Variants in HLCS observed in about 807,000 individuals in gnomAD.
HLCS encodes the protein holocarboxylase synthetase.
HLCS carries 53 observed loss-of-function variants against 75.0 expected under a neutral mutation model. The observed-to-expected ratio is 0.71, with a 90% confidence interval of 0.57 to 0.89. The LOEUF is 0.89. Among genes scored for constraint, HLCS ranks in the 40% least tolerant of loss-of-function variants. The probability of loss-of-function intolerance (pLI) is 0.00; values close to 1 mark genes in which losing one functional copy is unlikely to be tolerated. For missense variants in HLCS, 966 were observed against 1,074.0 expected (o/e 0.90, Z 1.41); for synonymous variants, 431 against 428.6 (o/e 1.01, Z -0.07).
intron 6 of HLCS, among the ~76,000 whole-genome samples, chr21:36,824,632 G>A (rs2061951386): frequency 1.3e-5 from 2 of 152,146 alleles, no homozygotes; most frequent in Admixed American, 1.3e-4. Flanking sequence ...GCCATCTCTG[G>A]CATCTCAGGC....
In HLCS at chr21:36,798,081, T is replaced by C. The variant is rs114410380; in HGVS notation, c.1893-30796A>G. ...GAAGGAAGTGAGAGACTCGGGAAGC[T>C]ACCTTGGCAAGGAACGATCCGGGCA... On this transcript the variant is annotated intron_variant, in intron 6 of 10. Coordinates refer to ENST00000674895, the MANE Select transcript of HLCS (RefSeq NM_001352514.2). Among the ~76,000 whole-genome samples, 1,040 of 152,258 alleles carry C rather than the reference T, an allele frequency of 6.8e-3. 8 individuals carry two copies. The highest frequency in any genetic ancestry group is 0.024 in the African/African-American group (983 of 41,534).
upstream of HLCS, among the ~76,000 whole-genome samples, chr21:36,970,163 C>T (rs545678220): frequency 1.3e-5 from 2 of 152,344 alleles, no homozygotes; most frequent in South Asian, 4.1e-4. Context: ...GACATTAACT[C>T]AGTACCTGTT....
chr21:36,923,416 C>T (rs575624065), intron 5 of HLCS, among the ~76,000 whole-genome samples: 60 of 152,306 alleles, frequency 3.9e-4, no homozygotes, highest in South Asian at 1.7e-3. Context: ...GAAAACCACG[C>T]TTCTTAGACG....
intron 6 of HLCS, among the ~76,000 whole-genome samples, chr21:36,850,005 A>T (rs992878527): frequency 6.6e-6 from 1 of 152,022 alleles, no homozygotes; most frequent in Admixed American, 6.6e-5. Context: ...GTTCCTTTCA[A>T]CTTTCTTCTT....
intron 5 of HLCS, among the ~76,000 whole-genome samples, chr21:36,903,454 A>C (rs1395972261): frequency 6.6e-6 from 1 of 152,164 alleles, no homozygotes; most frequent in African/African-American, 2.4e-5. Context: ...CACAGGCTAG[A>C]GATACATATA....
chr21:36,858,076 C>T (rs1328107335), intron 6 of HLCS, among the ~76,000 whole-genome samples: 1 of 152,182 alleles, frequency 6.6e-6, no homozygotes, highest in Non-Finnish European at 1.5e-5. Flanking sequence ...GTGTGAGCCA[C>T]TGCGCCTGGC....
At chr21:36,940,167 C>G (rs1292079036) in intron 2 of HLCS, among the ~76,000 whole-genome samples, 1 of 152,210 alleles carries the variant, frequency 6.6e-6, no homozygotes, top group Non-Finnish European at 1.5e-5. Context: ...CAATTACCGA[C>G]AGCTGCTTTT....
intron 2 of HLCS, among the ~76,000 whole-genome samples, chr21:36,940,302 T>C (rs781419206): frequency 6.6e-6 from 1 of 152,200 alleles, no homozygotes; most frequent in Non-Finnish European, 1.5e-5. Context: ...CCGAATTTCA[T>C]AATTATAGAT....
Position 36,897,016 on chromosome 21 carries a change from A to G in HLCS, c.1736T>C (p.Ile579Thr). The G allele has an allele frequency of 6.2e-7, 1 of 1,614,198 alleles. No individual in the cohort carries two copies. Among genetic ancestry groups the G allele is most frequent in the Non-Finnish European group, 8.5e-7 (1 of 1,180,026 alleles). Residue 579 changes from isoleucine (I) to threonine (T), a missense_variant, in exon 6 of 11, where the codon ATA (isoleucine) becomes ACA (threonine). Ile to Thr is a moderately conservative substitution (Grantham distance 89). Transcript: ENST00000674895. Reference protein sequence around the residue: ...FVSSYVSEVEITPSCIPVVTN... With the variant: ...FVSSYVSEVETTPSCIPVVTN... ...CACCACAGGTATACAAGATGGGGTT[A>G]TTTCTACTTCAGACACGTAGGATGA...
intron 6 of HLCS, among the ~76,000 whole-genome samples, chr21:36,807,325 A>G (rs548624801): frequency 3.9e-5 from 6 of 152,190 alleles, no homozygotes; most frequent in Admixed American, 1.3e-4. Flanking sequence ...AAATGATAGA[A>G]GCTACGGAGG....
chr21:36,946,105 C>T lies in HLCS; in HGVS notation c.331-7111G>A, dbSNP rs77067023. On this transcript the variant is annotated intron_variant, in intron 2 of 10. Coordinates refer to ENST00000674895, the MANE Select transcript of HLCS (RefSeq NM_001352514.2). ...TTCCAAAATATAAAGTCCTTTAGAG[C>T]AAGTAACCTCATGAGAAACCACATC... is the stretch of plus-strand genomic sequence containing the variant. The T allele has an allele frequency of 2.4e-3, 2,330 of 985,180 alleles. 40 individuals carry two copies. In the African/African-American group the frequency reaches 0.038, roughly 16 times the overall value. The allele number at this position is 985,180 out of a possible 1,614,324, so 61.0% of individuals were successfully genotyped here.
rs568871363 is a variant in HLCS at position 36,936,803 on chromosome 21, A to G, written c.1083T>C (p.Cys361=). The part of the protein sequence containing the change: ...SALRDPWTDN[C]LLLVIATRES... ...CCCTGGTAGCAATGACCAACAGCAG[A>G]CAGTTGTCCGTCCACGGGTCTCTGA... Residue 361 remains cysteine (C), a synonymous_variant, in exon 4 of 11, where the codon TGT becomes TGC. Transcript: ENST00000674895. 4.3e-6 allele frequency: 7 copies of G among 1,614,182 alleles called. No individual in the cohort carries two copies. The highest frequency in any genetic ancestry group is 1.3e-5 in the African/African-American group (1 of 75,046).
intron 6 of HLCS, among the ~76,000 whole-genome samples, chr21:36,791,210 G>T (rs961546396): frequency 3.3e-5 from 5 of 152,142 alleles, no homozygotes; most frequent in Admixed American, 6.5e-5. Context: ...CAAGTAGCAA[G>T]AATCGCATAA....
chr21:36,895,376 C>A (rs547205793), intron 6 of HLCS, among the ~76,000 whole-genome samples: 1 of 152,152 alleles, frequency 6.6e-6, no homozygotes, highest in African/African-American at 2.4e-5. Flanking sequence ...TCTAAAAGAA[C>A]AGGCTTTTTC....
Position 36,752,893 on chromosome 21 carries a change from T to G in HLCS, c.*1353A>C, listed in dbSNP as rs2089422852. ...ACAATGAAGGGATTTTGTTCAAAGC[T>G]GAAAGCTCCATCAAACTTTCTTTCC... On this transcript the variant is annotated 3_prime_UTR_variant, in exon 11 of 11. Coordinates refer to ENST00000674895, the MANE Select transcript of HLCS (RefSeq NM_001352514.2). 6.6e-6 allele frequency: 1 copy of G among 152,456 alleles called. No individual in the cohort carries two copies. The allele number at this position is 152,456 out of a possible 1,614,324, so 9.4% of individuals were successfully genotyped here.
chr21:36,841,747 C>T (rs2835482), intron 6 of HLCS, among the ~76,000 whole-genome samples: 24,742 of 152,236 alleles, frequency 0.16, 2,195 homozygotes, highest in African/African-American at 0.23. Context: ...GCAACTAAGA[C>T]GTGAGCTATG....
intron 6 of HLCS, among the ~76,000 whole-genome samples, chr21:36,854,684 T>G (rs541458730): frequency 1.5e-4 from 23 of 152,318 alleles, no homozygotes; most frequent in African/African-American, 5.5e-4. Flanking sequence ...AACTCTATTT[T>G]TCTGGTTGTC....
At chr21:36,896,218 C>T (rs1271538005) in intron 6 of HLCS, among the ~76,000 whole-genome samples, 1 of 152,152 alleles carries the variant, frequency 6.6e-6, no homozygotes, top group African/African-American at 2.4e-5. Context: ...GGCATAGTGG[C>T]GTGTGCCTAT....
chr21:36,756,255 G>A lies in HLCS; in HGVS notation c.2450+287C>T, dbSNP rs9636905. The stretch of plus-strand genomic sequence containing the variant: ...AGATCGAGACCATCCTGGCTAACAC[G>A]GTGAAACCCCACCTCCACTAAAAAT... On this transcript the variant is annotated intron_variant, in intron 10 of 10. Coordinates refer to ENST00000674895, the MANE Select transcript of HLCS (RefSeq NM_001352514.2). Among the ~76,000 whole-genome samples the A allele has an allele frequency of 0.3, 43,135 of 144,608 alleles. 8,164 individuals are homozygous for A. The highest frequency in any genetic ancestry group is 0.62 in the African/African-American group (21,882 of 35,042). 94.9% of individuals were successfully genotyped at this position (144,608 alleles called of 152,430 possible).
Sources: allele counts gnomAD v4.1 joint callset (sites outside exome capture counted in the v4.1 genomes callset), GRCh38; gene constraint gnomAD v4.1.1; transcripts MANE v1.5; gene names NCBI Gene and HGNC (gene_info 2026-07-23, HGNC 2026-07-21).